HDAC4: variants seen among roughly 807,000 people sequenced by gnomAD.
HDAC4 encodes the protein histone deacetylase A.
In HDAC4, 16 loss-of-function variants were observed where a neutral mutation model predicts 135.1. That is an observed-to-expected ratio of 0.12 (90% confidence interval 0.08 to 0.18). The LOEUF (loss-of-function observed/expected upper bound fraction) is 0.18. HDAC4 is among the 10% of genes least tolerant of loss of function. The pLI, the probability that HDAC4 is intolerant of heterozygous loss-of-function variation, is 1.00. For synonymous variants in HDAC4, 685 were observed against 653.4 expected (o/e 1.05, Z -0.74); for missense variants, 1,143 against 1,511.8 (o/e 0.76, Z 4.05).
intron 19 of HDAC4, among the ~76,000 whole-genome samples, chr2:239,084,459 G>A (rs1221473987): frequency 2.7e-5 from 2 of 73,130 alleles, no homozygotes; most frequent in African/African-American, 8.3e-5. Flanking sequence ...TCACACGCGT[G>A]CGCGCGCACA....
Position 239,384,031 on chromosome 2 carries a change from T to A in HDAC4, c.-220+16947A>T, listed in dbSNP as rs151208377. On this transcript the variant is annotated intron_variant, in intron 1 of 26. Transcript: ENST00000543185. ...ACGAGGCGCAGTCCACTCTCGCCTC[T>A]AATGGGAAGCCACGAACAGCCCGGA... 3.1e-3 allele frequency among the ~76,000 whole-genome samples: 479 copies of A among 152,276 alleles called. 2 individuals carry two copies. The Middle Eastern group carries it at 0.041, about 13-fold the overall frequency.
At chr2:239,395,143 G>T (rs1487673968) in intron 1 of HDAC4, among the ~76,000 whole-genome samples, 2 of 152,240 alleles carry the variant, frequency 1.3e-5, no homozygotes, top group African/African-American at 2.4e-5. Flanking sequence ...AGGGGACTTA[G>T]AGAGAGCTAG....
intron 22 of HDAC4, among the ~76,000 whole-genome samples, chr2:239,073,199 T>G (rs936101065): frequency 6.6e-6 from 1 of 152,238 alleles, no homozygotes; most frequent in African/African-American, 2.4e-5. Context: ...CCTGGGTGGC[T>G]TCTGAGCAGT....
chr2:239,114,326 G>C (rs866735781), intron 13 of HDAC4, among the ~76,000 whole-genome samples: 7 of 152,192 alleles, frequency 4.6e-5, no homozygotes, highest in Admixed American at 6.5e-5. Flanking sequence ...TCTGCTGCTG[G>C]AGGATAGAAT....
At chr2:239,120,547 A>G (rs1464684174) in intron 12 of HDAC4, among the ~76,000 whole-genome samples, 1 of 141,928 alleles carries the variant, frequency 7.0e-6, no homozygotes, top group Non-Finnish European at 1.5e-5. Context: ...GGCCAGCAGA[A>G]GGGTGGGTAC....
intron 2 of HDAC4, among the ~76,000 whole-genome samples, chr2:239,266,202 C>T (rs565016986): frequency 8.5e-4 from 129 of 152,304 alleles, no homozygotes; most frequent in African/African-American, 3.0e-3. Context: ...GCACAGTGCC[C>T]GAGGCAGGGA....
Position 239,139,461 on chromosome 2 carries a change from TG to T in HDAC4, c.978+222del, listed in dbSNP as rs2041199084. ...GGCTCAGGGCTGTCCCCGACGTGCC[TG>T]GAACTAGCGTGTTCATAATGAAAGG... On this transcript the variant is annotated intron_variant, in intron 9 of 26. Transcript: ENST00000543185. This position sits in a 1 kb window ranked among gnomAD's most constrained non-coding sequence, Gnocchi z 5.3. 6.6e-6 allele frequency among the ~76,000 whole-genome samples: 1 copy of T among 152,184 alleles called. No homozygotes were observed. Among genetic ancestry groups the T allele is most frequent in the South Asian group, 2.1e-4 (1 of 4,832 alleles).
chr2:239,106,142 C>A (rs1350973375), intron 15 of HDAC4, among the ~76,000 whole-genome samples: 1 of 152,206 alleles, frequency 6.6e-6, no homozygotes, highest in African/African-American at 2.4e-5. Flanking sequence ...TGGCTGGCAC[C>A]TTCACCCATG....
At chr2:239,284,321 C>A (rs966649071) in intron 2 of HDAC4, among the ~76,000 whole-genome samples, 1 of 152,178 alleles carries the variant, frequency 6.6e-6, no homozygotes, top group Non-Finnish European at 1.5e-5. Flanking sequence ...ACAGAGGGAG[C>A]GGGCCAGGGA....
intron 16 of HDAC4, among the ~76,000 whole-genome samples, chr2:239,095,674 G>A (rs565839012): frequency 1.1e-4 from 16 of 152,266 alleles, no homozygotes; most frequent in African/African-American, 3.1e-4. Flanking sequence ...CGGGGCCCTC[G>A]AAACCCCCAC....
At chr2:239,279,381 C>T (rs1400876370) in intron 2 of HDAC4, among the ~76,000 whole-genome samples, 2 of 152,242 alleles carry the variant, frequency 1.3e-5, no homozygotes, top group Non-Finnish European at 2.9e-5. Flanking sequence ...TTATAATAAA[C>T]TCATGAGGCA....
At chr2:239,136,749 A>G (rs1187161864) in intron 9 of HDAC4, among the ~76,000 whole-genome samples, 4 of 152,218 alleles carry the variant, frequency 2.6e-5, no homozygotes, top group African/African-American at 7.2e-5. Flanking sequence ...CATTTCCCCA[A>G]AGACATATGA....
In HDAC4 at chr2:239,167,504, GTC is replaced by G. The variant is rs1171592069; in HGVS notation, c.491-3583_491-3582del. Among the ~76,000 whole-genome samples, 2 of 152,138 alleles carry G rather than the reference GTC, an allele frequency of 1.3e-5. No individual in the cohort carries two copies. Among genetic ancestry groups the G allele is most frequent in the Non-Finnish European group, 2.9e-5 (2 of 68,022 alleles). On this transcript the variant is annotated intron_variant, in intron 5 of 26. Transcript: ENST00000543185. The surrounding 1 kb of genome is among the most constrained non-coding windows in gnomAD (Gnocchi z 4.1). ...CCAGCAGGAAACACGAGGAAGGTAA[GTC>G]TTCGATTCATGACCTTTCTAACCAC...
chr2:239,085,700 C>T (rs1003635649), intron 19 of HDAC4: 2 of 152,288 alleles, frequency 1.3e-5, no homozygotes, highest in African/African-American at 4.8e-5. Flanking sequence ...CTGGCGGTTA[C>T]AATCTCCTCC....
chr2:239,102,681 C>T (rs745565355), intron 16 of HDAC4, 95 bp downstream of exon 16: 9 of 1,458,984 alleles, frequency 6.2e-6, no homozygotes, highest in African/African-American at 1.4e-5. Context: ...CAGGCGACAC[C>T]CACAGGTGCC....
chr2:239,178,043 C>T (rs373162640), intron 4 of HDAC4, among the ~76,000 whole-genome samples: 24 of 152,202 alleles, frequency 1.6e-4, no homozygotes, highest in African/African-American at 4.3e-4. Flanking sequence ...GAGATGGCTC[C>T]GCTCTCGTTC....
At chr2:239,112,309 C>A (rs757570060) in intron 13 of HDAC4, among the ~76,000 whole-genome samples, 3 of 152,224 alleles carry the variant, frequency 2.0e-5, no homozygotes, top group Non-Finnish European at 2.9e-5. Context: ...TTCTGACCAA[C>A]AGCATTGAAT....
intron 1 of HDAC4, among the ~76,000 whole-genome samples, chr2:239,386,711 G>C (rs1247137999): frequency 1.3e-5 from 2 of 152,226 alleles, no homozygotes. Context: ...ACGACCTAGA[G>C]GAGCAAGAGC....
At chr2:239,137,377 C>G (rs1057470513) in intron 9 of HDAC4, among the ~76,000 whole-genome samples, 8 of 152,218 alleles carry the variant, frequency 5.3e-5, no homozygotes, top group Admixed American at 5.2e-4. Flanking sequence ...CCTTACGCAC[C>G]TGGGCGACTT....
Sources: allele counts gnomAD v4.1 joint callset (sites outside exome capture counted in the v4.1 genomes callset), GRCh38; gene constraint gnomAD v4.1.1; non-coding constraint Gnocchi (gnomAD v3.1); transcripts MANE v1.5; gene names NCBI Gene and HGNC (gene_info 2026-07-23, HGNC 2026-07-21).